The following UROC1 variants were observed in gnomAD, a reference collection of about 807,000 sequenced individuals.
The protein encoded by UROC1 is urocanate hydratase.
A neutral mutation model predicts 89.5 loss-of-function variants in UROC1; 79 were observed. That is an observed-to-expected ratio of 0.88 (90% CI 0.74 to 1.06). The LOEUF is 1.06. UROC1 is among the 50% of genes least tolerant of loss of function. The probability of loss-of-function intolerance (pLI) is 0.00; values close to 1 mark genes in which losing one functional copy is unlikely to be tolerated. For synonymous variants in UROC1, 361 were observed against 354.8 expected (o/e 1.02, Z -0.20); for missense variants, 885 against 907.8 (o/e 0.97, Z 0.32).
intron 14 of UROC1, among the ~76,000 whole-genome samples, chr3:126,497,120 A>G (rs72626367): frequency 0.092 from 13,967 of 152,114 alleles, 1,202 homozygotes; most frequent in African/African-American, 0.21. Flanking sequence ...ACAGGTGACC[A>G]CGTCTCCCCT....
intron 9 of UROC1, among the ~76,000 whole-genome samples, chr3:126,502,588 G>A (rs1935957548): frequency 6.6e-6 from 1 of 151,670 alleles, no homozygotes; most frequent in South Asian, 2.1e-4. Context: ...GTGTGTGCAT[G>A]TGTGTATGTC....
chr3:126,482,995 A>T (rs1576706815), intron 19 of UROC1, among the ~76,000 whole-genome samples: 1 of 151,760 alleles, frequency 6.6e-6, no homozygotes, highest in African/African-American at 2.4e-5. Flanking sequence ...TGGGATGAAG[A>T]CCTCCATCCC....
chr3:126,508,554 C>T (rs1936123265), intron 3 of UROC1, 79 bp from the exon 4 acceptor site: 9 of 1,260,058 alleles, frequency 7.1e-6, no homozygotes, highest in Non-Finnish European at 1.0e-5. Flanking sequence ...GAAAGGGCCC[C>T]CATCCCCTGG....
chr3:126,493,461 C>A (rs1935702172), intron 15 of UROC1, among the ~76,000 whole-genome samples: 1 of 152,186 alleles, frequency 6.6e-6, no homozygotes, highest in Non-Finnish European at 1.5e-5. Flanking sequence ...CCAACCCATG[C>A]TACAACATGG....
chr3:126,490,922 T>C (rs1935637072), intron 16 of UROC1, among the ~76,000 whole-genome samples: 2 of 152,172 alleles, frequency 1.3e-5, no homozygotes, highest in South Asian at 4.1e-4. Flanking sequence ...CACCAGGTCC[T>C]GGAAACTTTT....
chr3:126,507,672 C>T, intron 6 of UROC1, 70 bp downstream of exon 6: 2 of 1,468,494 alleles, frequency 1.4e-6, no homozygotes, highest in Non-Finnish European at 1.9e-6. Flanking sequence ...TTTAATATCA[C>T]CACTTTGCTT....
intron 18 of UROC1, among the ~76,000 whole-genome samples, chr3:126,483,841 G>A (rs1935450430): frequency 6.6e-6 from 1 of 152,200 alleles, no homozygotes; most frequent in African/African-American, 2.4e-5. Context: ...GGTGTGTCTT[G>A]TATTACTCAA....
chr3:126,481,794 T>C lies in UROC1; in HGVS notation c.*551A>G, dbSNP rs1560112738. 6.4e-6 allele frequency: 1 copy of C among 155,560 alleles called. No homozygotes were observed. The highest frequency in any genetic ancestry group is 2.4e-5 in the African/African-American group (1 of 41,456). The allele number at this position is 155,560 out of a possible 1,614,324, so 9.6% of individuals were successfully genotyped here. ...CTCTCATTTCTTCCCCAGTAAGTGA[T>C]CATTTATCCTTAGGGCAGACCCGGC... On this transcript the variant is annotated 3_prime_UTR_variant, in exon 20 of 20. Coordinates refer to ENST00000290868, the MANE Select transcript of UROC1 (RefSeq NM_144639.3).
chr3:126,505,564 G>T, intron 8 of UROC1, 137 bp downstream of exon 8: 1 of 1,386,910 alleles, frequency 7.2e-7, no homozygotes, highest in East Asian at 2.5e-5. Context: ...GGGGCTTCGT[G>T]GAGGAGGCAA....
At chr3:126,516,392 A>C (rs910553918) in intron 1 of UROC1, among the ~76,000 whole-genome samples, 4 of 866 alleles carry the variant, frequency 4.6e-3, no homozygotes, top group African/African-American at 0.012. Flanking sequence ...GCCTCCTCCC[A>C]CCCCCAGCGC....
intron 9 of UROC1, 81 bp downstream of exon 9, chr3:126,503,914 C>T: frequency 6.6e-7 from 1 of 1,523,030 alleles, no homozygotes; most frequent in Non-Finnish European, 9.1e-7. Flanking sequence ...CCACACCAAG[C>T]TGCCCCATGG....
At chr3:126,505,902 C>A (rs750167941) in intron 7 of UROC1, 43 bp downstream of exon 7, 2 of 1,612,348 alleles carry the variant, frequency 1.2e-6, no homozygotes, top group South Asian at 1.1e-5. Context: ...CCTCCACCCC[C>A]CATGCTGGGA....
chr3:126,500,539 T>A (rs1488196019), intron 11 of UROC1, among the ~76,000 whole-genome samples, 156 bp downstream of exon 11: 2 of 152,202 alleles, frequency 1.3e-5, no homozygotes, highest in African/African-American at 4.8e-5. Context: ...AAGTGTGTCA[T>A]GACTCCGTCT....
At chr3:126,498,544 T>C (rs1935836005) in intron 13 of UROC1, among the ~76,000 whole-genome samples, 1 of 151,982 alleles carries the variant, frequency 6.6e-6, no homozygotes, top group Non-Finnish European at 1.5e-5. Flanking sequence ...CTAGGTGAGC[T>C]TATCTTCCCA....
chr3:126,503,766 G>C (rs1935989131), intron 9 of UROC1, among the ~76,000 whole-genome samples: 1 of 152,258 alleles, frequency 6.6e-6, no homozygotes, highest in South Asian at 2.1e-4. Context: ...AATGTTGGAG[G>C]CCCTTCCAGA....
rs1294072737 is a variant in UROC1, at chr3:126,483,426, A to G, written c.1833T>C (p.Gly611=). The G allele has an allele frequency of 6.2e-7, 1 of 1,613,694 alleles. No homozygotes were observed. Among genetic ancestry groups the G allele is most frequent in the African/African-American group, 1.3e-5 (1 of 74,930 alleles). Residue 611 remains glycine (G), a synonymous_variant, in exon 19 of 20, where the codon GGT becomes GGC. Coordinates refer to ENST00000290868, the MANE Select transcript of UROC1 (RefSeq NM_144639.3). ...TGGCTCTCCCCTCGGCCTCCGGGGT[A>G]CCGTCCAGCACGAGGCCGAATCCCC... ...INGGFGLVLD[G]TPEAEGRARL...
chr3:126,486,859 G>A (rs73862711), intron 18 of UROC1, among the ~76,000 whole-genome samples: 5,955 of 152,250 alleles, frequency 0.039, 386 homozygotes, highest in African/African-American at 0.14. Flanking sequence ...CATGGTTGAG[G>A]GATAGACATT....
chr3:126,500,233 C>T (rs893909677), intron 11 of UROC1, 79 bp from the exon 12 acceptor site: 1 of 1,428,022 alleles, frequency 7.0e-7, no homozygotes, highest in Non-Finnish European at 9.7e-7. Flanking sequence ...TCGCACCCGC[C>T]ATGCTCCCCA....
intron 18 of UROC1, among the ~76,000 whole-genome samples, 199 bp from the exon 19 acceptor site, chr3:126,483,667 T>A (rs1935446373): frequency 6.6e-6 from 1 of 152,234 alleles, no homozygotes; most frequent in Non-Finnish European, 1.5e-5. Context: ...CTGCCACCTC[T>A]CTGCCCACTT....
Sources: gnomAD v4.1 joint callset for allele counts (sites outside exome capture counted in the v4.1 genomes callset) on GRCh38, gnomAD v4.1.1 for gene constraint, MANE v1.5 for transcripts, NCBI Gene and HGNC (gene_info 2026-07-23, HGNC 2026-07-21) for gene names.